Variants in COL11A1 observed in about 807,000 individuals in gnomAD.
COL11A1 encodes the protein collagen type XI alpha 1 chain.
A neutral mutation model predicts 265.2 loss-of-function variants in COL11A1; 74 were observed. The ratio of observed to expected loss-of-function variants is 0.28; its 90% confidence interval spans 0.23 to 0.34. The LOEUF (loss-of-function observed/expected upper bound fraction) is 0.34. Among genes scored for constraint, COL11A1 ranks in the 10% least tolerant of loss-of-function variants. The pLI is 1.00. For missense variants in COL11A1, 2,165 were observed against 2,263.6 expected (o/e 0.96, Z 0.88); for synonymous variants, 816 against 727.6 (o/e 1.12, Z -1.96).
At chr1:102,946,557 T>C (rs1659296071) in intron 42 of COL11A1, among the ~76,000 whole-genome samples, 1 of 151,058 alleles carries the variant, frequency 6.6e-6, no homozygotes, top group African/African-American at 2.5e-5. Context: ...ATAGCTTCAA[T>C]AAAAAACTCA....
chr1:103,040,542 G>T (rs1668728709), intron 4 of COL11A1, among the ~76,000 whole-genome samples: 2 of 151,286 alleles, frequency 1.3e-5, no homozygotes, highest in Admixed American at 1.3e-4. Context: ...GATTACAAAA[G>T]GATTCTTCAT....
rs373792216 is a variant in COL11A1, at chr1:102,959,564, T to TA, written c.3168+2301dup. Among the ~76,000 whole-genome samples the TA allele has an allele frequency of 1.7e-3, 253 of 152,334 alleles. 2 individuals are homozygous for TA. Among genetic ancestry groups the TA allele is most frequent in the African/African-American group, 5.8e-3 (243 of 41,578 alleles). ...TTAGGCATTTAATCACCAACCAACT[T>TA]ACAGTGCTATTTAGTCTTTGGTGTA... On this transcript the variant is annotated intron_variant, in intron 41 of 66. Coordinates refer to ENST00000370096, the MANE Select transcript of COL11A1 (RefSeq NM_001854.4).
intron 26 of COL11A1, among the ~76,000 whole-genome samples, 155 bp from the exon 27 acceptor site, chr1:102,996,197 A>G (rs1664610625): frequency 6.6e-6 from 1 of 152,164 alleles, no homozygotes; most frequent in South Asian, 2.1e-4. Context: ...TTATTTCTAG[A>G]AACAGATATG....
Position 102,997,064 on chromosome 1 carries a change from A to G in COL11A1, c.2241+16T>C. Reference sequence around the variant, plus strand: ...ATTTATTAATAGGACATTTAAATGGATACTTTGGAACCTACCAGAGCCCCC... The same window carrying G: ...ATTTATTAATAGGACATTTAAATGGGTACTTTGGAACCTACCAGAGCCCCC... On this transcript the variant is annotated intron_variant, in intron 26 of 66. Transcript: ENST00000370096. 1 of 1,609,426 alleles carries G rather than the reference A, an allele frequency of 6.2e-7. No homozygotes were observed. The highest frequency in any genetic ancestry group is 2.2e-5 in the East Asian group (1 of 44,686).
At chr1:102,928,039 A>C (rs989155614) in intron 46 of COL11A1, among the ~76,000 whole-genome samples, 2 of 152,090 alleles carry the variant, frequency 1.3e-5, no homozygotes, top group Non-Finnish European at 2.9e-5. Flanking sequence ...TCCTATTGCT[A>C]TCAATCTGAA....
intron 41 of COL11A1, among the ~76,000 whole-genome samples, chr1:102,960,767 T>C (rs1307464896): frequency 6.6e-6 from 1 of 151,836 alleles, no homozygotes; most frequent in Non-Finnish European, 1.5e-5. Flanking sequence ...ACTATAGCAA[T>C]TGGGGTTGAA....
intron 11 of COL11A1, among the ~76,000 whole-genome samples, chr1:103,017,167 C>T (rs938105184): frequency 6.6e-6 from 1 of 152,038 alleles, no homozygotes; most frequent in East Asian, 1.9e-4. Context: ...CTTATGTCCT[C>T]TGACCTTAAA....
chr1:102,940,673 T>A (rs1182097335), intron 42 of COL11A1, among the ~76,000 whole-genome samples: 1 of 152,198 alleles, frequency 6.6e-6, no homozygotes, highest in Non-Finnish European at 1.5e-5. Context: ...TTAGAATTTT[T>A]CTTTCAAACA....
chr1:103,027,659 C>T (rs1667653472), intron 5 of COL11A1, among the ~76,000 whole-genome samples: 1 of 151,774 alleles, frequency 6.6e-6, no homozygotes, highest in African/African-American at 2.4e-5. Context: ...CTGTTGACCA[C>T]AAATGTTTTA....
intron 42 of COL11A1, among the ~76,000 whole-genome samples, chr1:102,941,121 A>G (rs1274310617): frequency 6.6e-6 from 1 of 152,064 alleles, no homozygotes; most frequent in African/African-American, 2.4e-5. Context: ...ACAAGCTGGG[A>G]ATCTACAAGT....
chr1:102,985,696 A>G (rs1262175543), intron 30 of COL11A1, among the ~76,000 whole-genome samples: 2 of 152,178 alleles, frequency 1.3e-5, no homozygotes, highest in African/African-American at 4.8e-5. Context: ...GTTAAAGAAG[A>G]AAAGAACTGT....
chr1:102,995,435 T>C (rs1030327481), intron 28 of COL11A1, among the ~76,000 whole-genome samples: 2 of 152,138 alleles, frequency 1.3e-5, no homozygotes, highest in Non-Finnish European at 2.9e-5. Flanking sequence ...TAATTTAGTG[T>C]ACTTCTAACT....
Position 103,010,369 on chromosome 1 carries a change from A to AT in COL11A1, c.1630-1854dup, listed in dbSNP as rs764857804. Among the ~76,000 whole-genome samples, 99 of 152,266 alleles carry AT rather than the reference A, an allele frequency of 6.5e-4. 1 individual carries two copies. The highest frequency in any genetic ancestry group is 4.7e-4 in the Non-Finnish European group (32 of 68,012). ...TGAAATGGTAAAAAGAAACAATATG[A>AT]TTTTTTTCTCTCAATACCTACCTTC... On this transcript the variant is annotated intron_variant, in intron 14 of 66. Transcript: ENST00000370096.
chr1:103,049,400 T>C (rs1157346392), intron 4 of COL11A1, among the ~76,000 whole-genome samples: 1 of 152,240 alleles, frequency 6.6e-6, no homozygotes, highest in East Asian at 1.9e-4. Context: ...AAGTCTGTTT[T>C]ATCAGAGACT....
intron 54 of COL11A1, among the ~76,000 whole-genome samples, chr1:102,900,871 T>A (rs1653098952): frequency 6.6e-6 from 1 of 152,204 alleles, no homozygotes; most frequent in African/African-American, 2.4e-5. Context: ...TTCCCAATTT[T>A]ATTTATTCCT....
intron 6 of COL11A1, chr1:103,025,999 G>A: frequency 6.4e-7 from 1 of 1,574,196 alleles, no homozygotes; most frequent in Non-Finnish European, 8.7e-7. Context: ...AATAAACGAG[G>A]AGGGAAATAT....
chr1:103,060,787 C>T (rs1670616407), intron 4 of COL11A1, among the ~76,000 whole-genome samples: 1 of 152,034 alleles, frequency 6.6e-6, no homozygotes, highest in Non-Finnish European at 1.5e-5. Flanking sequence ...CACAGTGAGA[C>T]CCTATCTCTA....
rs1652034970 is a variant in COL11A1 at position 102,893,602 on chromosome 1, G to T, written c.4303-3098C>A. 2.6e-5 allele frequency among the ~76,000 whole-genome samples: 4 copies of T among 152,194 alleles called. No individual in the cohort carries two copies. The South Asian group carries it at 8.3e-4, about 32-fold the overall frequency. On this transcript the variant is annotated intron_variant, in intron 57 of 66. Transcript: ENST00000370096. ...AAATACATAATTCATAAGTAATAAA[G>T]TGAAAAGGAAAACAGGGATGATACA...
At chr1:103,006,820 G>T (rs1448211078) in intron 15 of COL11A1, among the ~76,000 whole-genome samples, 1 of 151,970 alleles carries the variant, frequency 6.6e-6, no homozygotes, top group Non-Finnish European at 1.5e-5. Context: ...GAGCCACCGC[G>T]CCCGGCCCTT....
Sources: gnomAD v4.1 joint callset for allele counts (sites outside exome capture counted in the v4.1 genomes callset) on GRCh38, gnomAD v4.1.1 for gene constraint, MANE v1.5 for transcripts, NCBI Gene and HGNC (gene_info 2026-07-23, HGNC 2026-07-21) for gene names.